The following SLC12A6 variants were observed in gnomAD, a reference collection of about 807,000 sequenced individuals.
SLC12A6 encodes K-Cl cotransporter 3.
Under a neutral mutation model 135.3 loss-of-function variants are expected in SLC12A6, and 66 were observed. The ratio of observed to expected loss-of-function variants is 0.49; its 90% confidence interval spans 0.40 to 0.60. The LOEUF (loss-of-function observed/expected upper bound fraction) is 0.60. Among genes scored for constraint, SLC12A6 ranks in the 20% least tolerant of loss-of-function variants. The pLI is 0.00. For missense variants in SLC12A6, 1,058 were observed against 1,452.3 expected (o/e 0.73, Z 4.41); for synonymous variants, 513 against 508.8 (o/e 1.01, Z -0.11).
intron 17 of SLC12A6, 69 bp downstream of exon 17, chr15:34,242,033 G>A: frequency 1.7e-6 from 2 of 1,176,842 alleles, no homozygotes; most frequent in Non-Finnish European, 1.3e-6. Flanking sequence ...TATTTTCACT[G>A]AGCTGGCTCT....
chr15:34,312,838 C>T (rs1241429815), intron 2 of SLC12A6, among the ~76,000 whole-genome samples: 1 of 152,148 alleles, frequency 6.6e-6, no homozygotes, highest in African/African-American at 2.4e-5. Context: ...GTAATTCTTA[C>T]AATATTTCTA....
intron 2 of SLC12A6, among the ~76,000 whole-genome samples, chr15:34,289,613 CT>C (rs1262149242): frequency 1.1e-4 from 16 of 152,042 alleles, no homozygotes; most frequent in Non-Finnish European, 2.1e-4. Context: ...TGGTCCTGGA[CT>C]TTTTTTGGTT....
intron 8 of SLC12A6, 69 bp from the exon 9 acceptor site, chr15:34,254,658 T>C: frequency 2.5e-6 from 3 of 1,205,170 alleles, no homozygotes; most frequent in Non-Finnish European, 3.7e-6. Context: ...CTGTATTCGT[T>C]TGCATTTACT....
intron 2 of SLC12A6, among the ~76,000 whole-genome samples, chr15:34,284,273 T>C (rs981491050): frequency 8.3e-5 from 11 of 133,242 alleles, no homozygotes; most frequent in African/African-American, 1.5e-4. Context: ...TCTTTGTTTC[T>C]TTTCTTTTTT....
intron 2 of SLC12A6, among the ~76,000 whole-genome samples, chr15:34,297,867 G>C (rs1895977913): frequency 6.6e-6 from 1 of 152,118 alleles, no homozygotes; most frequent in African/African-American, 2.4e-5. Flanking sequence ...AGTATTTTAG[G>C]CAAGGAAACA....
intron 2 of SLC12A6, among the ~76,000 whole-genome samples, chr15:34,334,041 G>T (rs139412717): frequency 6.7e-6 from 1 of 150,054 alleles, no homozygotes; most frequent in Non-Finnish European, 1.5e-5. Context: ...TTGTACCCCA[G>T]CCTGGGCAAC....
chr15:34,316,720 C>A (rs1011928918), intron 2 of SLC12A6, among the ~76,000 whole-genome samples: 2 of 152,114 alleles, frequency 1.3e-5, no homozygotes, highest in Non-Finnish European at 2.9e-5. Context: ...ATGGCTTTTA[C>A]AGGTAGTTGC....
At chr15:34,307,955 T>C (rs1260954552) in intron 2 of SLC12A6, among the ~76,000 whole-genome samples, 5 of 152,222 alleles carry the variant, frequency 3.3e-5, no homozygotes, top group African/African-American at 9.6e-5. Flanking sequence ...TATGAGGCTT[T>C]AGAATTTATT....
chr15:34,280,564 T>C (rs10162625), intron 2 of SLC12A6, among the ~76,000 whole-genome samples: 5,977 of 152,246 alleles, frequency 0.039, 217 homozygotes, highest in African/African-American at 0.099. Context: ...AAGATGGAAC[T>C]GAATTTGGGG....
chr15:34,277,347 G>A (rs1595482715), intron 2 of SLC12A6, among the ~76,000 whole-genome samples: 1 of 152,052 alleles, frequency 6.6e-6, no homozygotes, highest in Non-Finnish European at 1.5e-5. Flanking sequence ...AAGGCAAGAG[G>A]TTCCCTTGAA....
chr15:34,285,682 A>G (rs1895000154), intron 2 of SLC12A6, among the ~76,000 whole-genome samples: 1 of 31,960 alleles, frequency 3.1e-5, no homozygotes, highest in Non-Finnish European at 6.1e-5. Context: ...GAATAAACAA[A>G]ATGTGCTATA....
chr15:34,308,624 A>G (rs1258503246), intron 2 of SLC12A6, among the ~76,000 whole-genome samples: 1 of 111,530 alleles, frequency 9.0e-6, no homozygotes, highest in African/African-American at 4.3e-5. Flanking sequence ...GACACTGTCC[A>G]CCTGACAAAA....
At chr15:34,293,073 C>T (rs1376748175) in intron 2 of SLC12A6, among the ~76,000 whole-genome samples, 3 of 152,168 alleles carry the variant, frequency 2.0e-5, no homozygotes, top group Non-Finnish European at 4.4e-5. Flanking sequence ...GTTGGAAATG[C>T]AGAAATCACC....
In SLC12A6 at chr15:34,236,131, C is replaced by T; in HGVS notation, c.3111G>A (p.Glu1037=). 1 of 1,613,824 alleles carries T rather than the reference C, an allele frequency of 6.2e-7. No individual in the cohort carries two copies. Among genetic ancestry groups the T allele is most frequent in the Non-Finnish European group, 8.5e-7 (1 of 1,179,700 alleles). The change falls in exon 24 of 26, where the codon GAG becomes GAA. Residue 1037 remains glutamate (E), a synonymous_variant. Transcript: ENST00000354181. The part of the protein sequence containing the change: ...LTSIGSDEDE[E]TETYQEKVHM... ...GCACCTTCTCCTGATAGGTTTCTGT[C>T]TCTTCGTCCTCATCAGAGCCAATGC...
intron 2 of SLC12A6, among the ~76,000 whole-genome samples, chr15:34,285,266 T>C (rs1042578029): frequency 2.0e-5 from 3 of 152,160 alleles, no homozygotes; most frequent in South Asian, 2.1e-4. Flanking sequence ...ATGGATCAGA[T>C]CAGAAATACT....
At chr15:34,335,388 C>T (rs1890130159) in intron 2 of SLC12A6, among the ~76,000 whole-genome samples, 1 of 152,162 alleles carries the variant, frequency 6.6e-6, no homozygotes, top group South Asian at 2.1e-4. Context: ...ACAATATTTC[C>T]TGACACCGGA....
rs775216800 is a variant in SLC12A6, at chr15:34,252,286, C to A, written c.1217G>T (p.Trp406Leu). The A allele has an allele frequency of 7.7e-5, 123 of 1,607,670 alleles. No individual in the cohort carries two copies. Among genetic ancestry groups the A allele is most frequent in the Middle Eastern group, 1.6e-4 (1 of 6,074 alleles). Reference sequence around the variant, plus strand: ...TTGACTCGAGTTACAGAAGAATCCCCATAACTTTGATGGGACTGTCATGTT... The same window carrying A: ...TTGACTCGAGTTACAGAAGAATCCCAATAACTTTGATGGGACTGTCATGTT... ...INNMTVPSKL[W>L]GFFCNSSQFF... Residue 406 changes from tryptophan (W) to leucine (L), a missense_variant, in exon 10 of 26, where the codon TGG (tryptophan) becomes TTG (leucine). By Grantham distance (61) the Trp-to-Leu change is moderately conservative. This residue lies in a region of SLC12A6 where 297 missense variants were observed against 318.5 expected (regional missense o/e 0.93). Coordinates refer to ENST00000354181, the MANE Select transcript of SLC12A6 (RefSeq NM_001365088.1).
chr15:34,268,968 T>C (rs1893718136), intron 3 of SLC12A6, among the ~76,000 whole-genome samples: 1 of 152,020 alleles, frequency 6.6e-6, no homozygotes, highest in South Asian at 2.1e-4. Flanking sequence ...GCAATTCTCC[T>C]ACCTCAGCCT....
chr15:34,298,386 A>C (rs1456870464), intron 2 of SLC12A6, among the ~76,000 whole-genome samples: 1 of 152,008 alleles, frequency 6.6e-6, no homozygotes, highest in Non-Finnish European at 1.5e-5. Context: ...GAGGCAGGAG[A>C]ACTGCTTGAA....
Sources: allele counts gnomAD v4.1 joint callset (sites outside exome capture counted in the v4.1 genomes callset), GRCh38; gene constraint gnomAD v4.1.1; regional missense constraint gnomAD v4.1.1; transcripts MANE v1.5; gene names NCBI Gene and HGNC (gene_info 2026-07-23, HGNC 2026-07-21).